RAP1A: variants seen among roughly 807,000 people sequenced by gnomAD.
The protein encoded by RAP1A is RAP1A, member of RAS oncogene family, also known as ras-related protein Rap-1A.
RAP1A carries 6 observed loss-of-function variants against 26.4 expected under a neutral mutation model. That is an observed-to-expected ratio of 0.23 (90% CI 0.12 to 0.45). RAP1A has a LOEUF of 0.45. RAP1A is among the 20% of genes least tolerant of loss of function. The probability of loss-of-function intolerance (pLI) is 0.99; values close to 1 mark genes in which losing one functional copy is unlikely to be tolerated. For missense variants in RAP1A, 121 were observed against 217.2 expected (o/e 0.56, Z 2.78); for synonymous variants, 73 against 79.4 (o/e 0.92, Z 0.43).
chr1:111,578,533 A>C (rs80110027), intron 1 of RAP1A, among the ~76,000 whole-genome samples: 2,948 of 152,206 alleles, frequency 0.019, 84 homozygotes, highest in African/African-American at 0.067. Context: ...TGAACTCACT[A>C]CTAATACCCA....
intron 1 of RAP1A, among the ~76,000 whole-genome samples, chr1:111,606,406 G>T (rs1658779900): frequency 1.3e-5 from 2 of 152,156 alleles, no homozygotes; most frequent in African/African-American, 4.8e-5. Flanking sequence ...GCTGGAGAAT[G>T]CTTATTCTCC....
chr1:111,663,158 C>A (rs1332331684), intron 1 of RAP1A, among the ~76,000 whole-genome samples: 1 of 152,126 alleles, frequency 6.6e-6, no homozygotes, highest in Non-Finnish European at 1.5e-5. Flanking sequence ...ATGATCCACC[C>A]GCCTTGGCCT....
intron 1 of RAP1A, among the ~76,000 whole-genome samples, chr1:111,561,512 G>A (rs1657735582): frequency 1.3e-5 from 2 of 152,136 alleles, no homozygotes; most frequent in Non-Finnish European, 2.9e-5. Flanking sequence ...TGTATTGGGG[G>A]AAGGAGGGAG....
chr1:111,554,355 TC>T (rs1657393820), intron 1 of RAP1A, among the ~76,000 whole-genome samples: 1 of 152,206 alleles, frequency 6.6e-6, no homozygotes, highest in Admixed American at 6.5e-5. Flanking sequence ...ATTAAAAACA[TC>T]TTTTGTTTGA....
intron 1 of RAP1A, among the ~76,000 whole-genome samples, chr1:111,555,088 G>T (rs1249451731): frequency 6.6e-6 from 1 of 151,950 alleles, no homozygotes; most frequent in Non-Finnish European, 1.5e-5. Flanking sequence ...CAGGCAGGCG[G>T]GGCACAGTGA....
Position 111,714,367 on chromosome 1 carries a change from TAGAC to T in RAP1A, c.*1972_*1975del, listed in dbSNP as rs1238454179. ...AAACATACCTTTAAACTTAAGATCA[TAGAC>T]AGACATCTCATCAACCAGTAAAACT... On this transcript the variant is annotated 3_prime_UTR_variant, in exon 8 of 8. Transcript: ENST00000369709. 6.6e-6 allele frequency: 1 copy of T among 152,188 alleles called. No homozygotes were observed. Among genetic ancestry groups the T allele is most frequent in the Non-Finnish European group, 1.5e-5 (1 of 68,032 alleles). 9.4% of individuals were successfully genotyped at this position (152,188 alleles called of 1,614,324 possible). A position where few individuals can be genotyped will look rare whatever the true frequency, so the allele number is the denominator to read the frequency against.
chr1:111,660,168 C>T (rs1489238182), intron 1 of RAP1A, among the ~76,000 whole-genome samples: 1 of 152,198 alleles, frequency 6.6e-6, no homozygotes, highest in African/African-American at 2.4e-5. Context: ...AGGATAGTGT[C>T]ACTTAATACA....
chr1:111,580,150 G>A (rs530602935), intron 1 of RAP1A, among the ~76,000 whole-genome samples: 9 of 152,256 alleles, frequency 5.9e-5, no homozygotes, highest in African/African-American at 1.7e-4. Flanking sequence ...AGTTGTATGC[G>A]TACTCAAAGT....
upstream of RAP1A, among the ~76,000 whole-genome samples, chr1:111,617,829 A>G (rs992150810): frequency 1.3e-4 from 19 of 151,314 alleles, 1 homozygote; most frequent in Non-Finnish European, 2.7e-4. Context: ...GGATCACCTG[A>G]GGTTGGGAAT....
chr1:111,680,333 C>T (rs6673288), intron 1 of RAP1A, among the ~76,000 whole-genome samples: 9,310 of 152,218 alleles, frequency 0.061, 303 homozygotes, highest in South Asian at 0.087. Context: ...AGCTTTTATT[C>T]CCTTATTTGT....
At chr1:111,659,553 G>T (rs1660569246) in intron 1 of RAP1A, among the ~76,000 whole-genome samples, 1 of 151,176 alleles carries the variant, frequency 6.6e-6, no homozygotes, top group Non-Finnish European at 1.5e-5. Context: ...AAGTTTTAGG[G>T]TACATGTGCA....
At chr1:111,667,000 A>G (rs1437817869) in intron 1 of RAP1A, among the ~76,000 whole-genome samples, 1 of 152,186 alleles carries the variant, frequency 6.6e-6, no homozygotes, top group Non-Finnish European at 1.5e-5. Flanking sequence ...CTTGGAGTTT[A>G]ATCTTTACCC....
chr1:111,601,025 T>C (rs1461885051), intron 1 of RAP1A, among the ~76,000 whole-genome samples: 1 of 152,148 alleles, frequency 6.6e-6, no homozygotes, highest in African/African-American at 2.4e-5. Flanking sequence ...CTGAGGTTGC[T>C]GCATCTGGCT....
intron 2 of RAP1A, among the ~76,000 whole-genome samples, chr1:111,692,678 A>G (rs1435680480): frequency 1.3e-5 from 2 of 152,340 alleles, no homozygotes; most frequent in African/African-American, 2.4e-5. Flanking sequence ...TTAGAATGCA[A>G]TAGCTCTATA....
rs559901313 is a variant in RAP1A, at chr1:111,653,877, A to G, written c.-28+33943A>G. ...GCTTGAAATGCACCTCAAAAGGCACAGAGGATTTGGATAGATAGAGGAAGT... is the reference window on the plus strand; with the variant it reads ...GCTTGAAATGCACCTCAAAAGGCACGGAGGATTTGGATAGATAGAGGAAGT... On this transcript the variant is annotated intron_variant, in intron 1 of 7. Transcript: ENST00000369709. 1.9e-4 allele frequency among the ~76,000 whole-genome samples: 29 copies of G among 152,274 alleles called. 1 individual carries two copies. The highest frequency in any genetic ancestry group is 3.7e-4 in the Non-Finnish European group (25 of 68,008).
chr1:111,606,322 T>C (rs1658776143), intron 1 of RAP1A, among the ~76,000 whole-genome samples: 2 of 151,000 alleles, frequency 1.3e-5, no homozygotes, highest in South Asian at 2.1e-4. Flanking sequence ...TCGTCATATT[T>C]CAGGATGAGG....
intron 1 of RAP1A, among the ~76,000 whole-genome samples, chr1:111,586,567 A>G (rs1658369162): frequency 1.3e-5 from 2 of 152,204 alleles, no homozygotes; most frequent in Non-Finnish European, 2.9e-5. Flanking sequence ...TGGGCAACAG[A>G]GTGAGACCAC....
intron 7 of RAP1A, among the ~76,000 whole-genome samples, chr1:111,710,863 C>T (rs914915390): frequency 2.0e-5 from 3 of 152,118 alleles, no homozygotes; most frequent in African/African-American, 7.2e-5. Context: ...GACGGAGTCT[C>T]GCCTTGTCAC....
intron 7 of RAP1A, among the ~76,000 whole-genome samples, chr1:111,711,517 A>C (rs1228610506): frequency 6.6e-6 from 1 of 152,202 alleles, no homozygotes; most frequent in Admixed American, 6.5e-5. Flanking sequence ...TTGCTTGCAT[A>C]AATTCTTAGA....
Sources: gnomAD v4.1 joint callset for allele counts (sites outside exome capture counted in the v4.1 genomes callset) on GRCh38, gnomAD v4.1.1 for gene constraint, MANE v1.5 for transcripts, NCBI Gene and HGNC (gene_info 2026-07-23, HGNC 2026-07-21) for gene names.